The following GNPTAB variants were observed in gnomAD, a reference collection of about 807,000 sequenced individuals.
The protein encoded by GNPTAB is N-acetylglucosamine-1-phosphate transferase subunits alpha and beta, also known as N-acetylglucosamine-1-phosphotransferase subunits alpha/beta.
Under a neutral mutation model 136.6 loss-of-function variants are expected in GNPTAB, and 92 were observed. That is an observed-to-expected ratio of 0.67 (90% CI 0.57 to 0.80). The LOEUF (loss-of-function observed/expected upper bound fraction) is 0.80, where lower values mean the gene tolerates loss of function less well. Ranked by LOEUF, GNPTAB falls within the 30% of genes least tolerant of loss-of-function variation. The pLI, the probability that GNPTAB is intolerant of heterozygous loss-of-function variation, is 0.00. For synonymous variants in GNPTAB, 512 were observed against 535.1 expected, an observed-to-expected ratio of 0.96 and a Z score of 0.60; for missense variants, 1,343 against 1,501.8, an observed-to-expected ratio of 0.89 and a Z score of 1.75.
intron 4 of GNPTAB, 94 bp downstream of exon 4, chr12:101,788,454 C>T (rs546103677): frequency 1.2e-6 from 1 of 814,862 alleles, no homozygotes; most frequent in East Asian, 2.5e-5. Flanking sequence ...ATAATAAACA[C>T]AAAATCCTGT....
chr12:101,828,854 T>C (rs951905910), intron 1 of GNPTAB, among the ~76,000 whole-genome samples: 4 of 152,210 alleles, frequency 2.6e-5, no homozygotes, highest in Non-Finnish European at 5.9e-5. Flanking sequence ...GTTGTGAGGA[T>C]TAAATCAGTT....
rs935456185 is a variant in GNPTAB, at chr12:101,780,615, T to A, written c.578A>T (p.Asp193Val). ...VVFDSTKDVE[D>V]AHSGLLKGNS... ...TCCTTTAAGCAGTCCAGAGTGGGCA[T>A]CTTCAACTACAACCAAGAATACAAT... The change falls in exon 6 of 21, where the codon GAT becomes GTT. Residue 193 changes from aspartate to valine, a missense_variant. Physicochemically the swap from Asp to Val is radical, Grantham distance 152. Transcript: ENST00000299314. The A allele has an allele frequency of 1.2e-6, 2 of 1,605,414 alleles. No individual in the cohort carries two copies. Among genetic ancestry groups the A allele is most frequent in the Non-Finnish European group, 1.7e-6 (2 of 1,172,240 alleles).
chr12:101,770,028 C>T lies in GNPTAB; in HGVS notation c.1277G>A (p.Gly426Asp), dbSNP rs1237096401. The change falls in exon 10 of 21, where the codon GGC (glycine) becomes GAC (aspartate). Residue 426 changes from glycine to aspartate, a missense_variant. Coordinates refer to ENST00000299314, the MANE Select transcript of GNPTAB (RefSeq NM_024312.5). The part of the protein sequence containing the change: ...WPDDFYSHSK[G>D]QKVYLTWPVP... ...CTCCTCTTAGGCACTCACCTTCTGG[C>T]CTTTGGAGTGACTGTAAAAATCATC... 1.2e-6 allele frequency: 2 copies of T among 1,613,928 alleles called. No individual in the cohort carries two copies. The highest frequency in any genetic ancestry group is 1.7e-6 in the Non-Finnish European group (2 of 1,179,956).
intron 5 of GNPTAB, among the ~76,000 whole-genome samples, chr12:101,782,607 A>G (rs1868401784): frequency 6.6e-6 from 1 of 152,206 alleles, no homozygotes; most frequent in African/African-American, 2.4e-5. Context: ...CCACCAAAGA[A>G]GCCAGATTGA....
In GNPTAB at chr12:101,770,143, T is replaced by C. The variant is rs1953149848; in HGVS notation, c.1162A>G (p.Ile388Val). ...TCGATGCGATGAATGTGACTTTCAA[T>C]AGCAGGTGAACTAAAGGTAGGCAAG... The part of the protein sequence containing the change: ...SHLPTFSSPA[I>V]ESHIHRIEGL... The change falls in exon 10 of 21, where the codon ATT (isoleucine) becomes GTT (valine). Residue 388 changes from isoleucine (I) to valine (V), a missense_variant. Coordinates refer to ENST00000299314, the MANE Select transcript of GNPTAB (RefSeq NM_024312.5). The C allele has an allele frequency of 3.1e-6, 5 of 1,614,134 alleles. No homozygotes were observed. Among genetic ancestry groups the C allele is most frequent in the Non-Finnish European group, 4.2e-6 (5 of 1,179,998 alleles).
rs1232693344 is a variant in GNPTAB at position 101,770,425 on chromosome 12, A to G, written c.1094T>C (p.Val365Ala). 4 of 1,612,964 alleles carry G rather than the reference A, an allele frequency of 2.5e-6. No individual in the cohort carries two copies. The highest frequency in any genetic ancestry group is 3.4e-6 in the Non-Finnish European group (4 of 1,179,066). Residue 365 changes from valine to alanine, a missense_variant, in exon 9 of 21, where the codon GTG (valine) becomes GCG (alanine). Val to Ala is a moderately conservative substitution (Grantham distance 64). Coordinates refer to ENST00000299314, the MANE Select transcript of GNPTAB (RefSeq NM_024312.5). ...PSWLNLDNPRVTIVTHQDVFR... is the reference protein window; with the variant it reads ...PSWLNLDNPRATIVTHQDVFR... ...CTGTACCTGGTGTGTTACTATTGTC[A>G]CTCGAGGATTGTCAAGGTTCAGCCA...
At chr12:101,788,635 T>C (rs374802457) in intron 3 of GNPTAB, 46 bp from the exon 4 acceptor site, 25 of 941,146 alleles carry the variant, frequency 2.7e-5, no homozygotes, top group African/African-American at 8.0e-5. Flanking sequence ...TGGGCTACTA[T>C]ACCTCCCACT....
At chr12:101,780,718 G>T in intron 5 of GNPTAB, 97 bp from the exon 6 acceptor site, 1 of 864,500 alleles carries the variant, frequency 1.2e-6, no homozygotes, top group Non-Finnish European at 2.0e-6. Context: ...AGCTATTAAA[G>T]CAGCATAATA....
intron 1 of GNPTAB, among the ~76,000 whole-genome samples, chr12:101,813,297 G>A (rs1358927932): frequency 6.6e-6 from 1 of 152,216 alleles, no homozygotes; most frequent in Non-Finnish European, 1.5e-5. Context: ...AACAGGTGGA[G>A]TTTGCTGCTC....
intron 16 of GNPTAB, among the ~76,000 whole-genome samples, chr12:101,759,381 A>C (rs1393997640): frequency 6.6e-6 from 1 of 151,408 alleles, no homozygotes; most frequent in Non-Finnish European, 1.5e-5. Flanking sequence ...AAAAAAAAAA[A>C]AGATTACTTT....
rs1309527596 is a variant in GNPTAB at position 101,757,513 on chromosome 12, A to T, written c.3335+59T>A. 43 of 922,822 alleles carry T rather than the reference A, an allele frequency of 4.7e-5. 1 individual carries two copies. Among genetic ancestry groups the T allele is most frequent in the Non-Finnish European group, 4.5e-5 (25 of 552,192 alleles). The allele number at this position is 922,822 out of a possible 1,614,324, so 57.2% of individuals were successfully genotyped here. A position where few individuals can be genotyped will look rare whatever the true frequency, so the allele number is the denominator to read the frequency against. ...ACAAAATATTGTAGAATTATAAAAAAGCCAGACCTTTGTGATTACTCTTAT... is the reference window on the plus strand; with the variant it reads ...ACAAAATATTGTAGAATTATAAAAATGCCAGACCTTTGTGATTACTCTTAT... On this transcript the variant is annotated intron_variant, in intron 17 of 20. Coordinates refer to ENST00000299314, the MANE Select transcript of GNPTAB (RefSeq NM_024312.5).
chr12:101,793,998 C>T (rs567760853), intron 2 of GNPTAB, among the ~76,000 whole-genome samples: 2 of 152,198 alleles, frequency 1.3e-5, no homozygotes, highest in South Asian at 4.1e-4. Context: ...CAACCACCAC[C>T]GCCCTGGCTA....
intron 3 of GNPTAB, among the ~76,000 whole-genome samples, chr12:101,789,613 T>C (rs1201224719): frequency 6.6e-6 from 1 of 152,096 alleles, no homozygotes; most frequent in East Asian, 1.9e-4. Flanking sequence ...GCCTCCCAAT[T>C]AGCTGGGATT....
At chr12:101,811,597 C>T (rs11111039) in intron 1 of GNPTAB, among the ~76,000 whole-genome samples, 5,770 of 150,274 alleles carry the variant, frequency 0.038, 417 homozygotes, top group East Asian at 0.31. Context: ...CTTACGTGGC[C>T]GGAGAAGGAG....
In GNPTAB at chr12:101,819,686, T is replaced by C. The variant is rs570899449; in HGVS notation, c.117+10873A>G. ...AAAGATCACTTTTTCCTGTGTAATT[T>C]AGTATGCATACGAATCACACATAGG... On this transcript the variant is annotated intron_variant, in intron 1 of 20. Coordinates refer to ENST00000299314, the MANE Select transcript of GNPTAB (RefSeq NM_024312.5). Among the ~76,000 whole-genome samples, 5 of 152,348 alleles carry C rather than the reference T, an allele frequency of 3.3e-5. No homozygotes were observed. In the South Asian group the frequency reaches 6.2e-4, roughly 19 times the overall value.
intron 1 of GNPTAB, 54 bp downstream of exon 1, chr12:101,830,505 C>T: frequency 1.1e-6 from 1 of 941,720 alleles, no homozygotes; most frequent in Middle Eastern, 2.1e-4. Flanking sequence ...CGGGGCACGG[C>T]GAGGGCAGTG....
intron 11 of GNPTAB, chr12:101,767,778 A>G (rs553961306): frequency 6.6e-6 from 4 of 606,756 alleles, no homozygotes; most frequent in Admixed American, 2.8e-5. Flanking sequence ...TTGCACCACC[A>G]CACTTGGCTA....
At chr12:101,804,551 T>C (rs1368347026) in intron 1 of GNPTAB, among the ~76,000 whole-genome samples, 1 of 152,230 alleles carries the variant, frequency 6.6e-6, no homozygotes, top group African/African-American at 2.4e-5. Context: ...ATTCTACCTA[T>C]GAGGGTAGAC....
chr12:101,770,274 G>A, intron 9 of GNPTAB, 83 bp from the exon 10 acceptor site: 1 of 1,448,256 alleles, frequency 6.9e-7, no homozygotes, highest in Non-Finnish European at 9.7e-7. Flanking sequence ...GGAAGGGAAG[G>A]CAATGAAGAG....
Sources: gnomAD v4.1 joint callset for allele counts (sites outside exome capture counted in the v4.1 genomes callset) on GRCh38, gnomAD v4.1.1 for gene constraint, MANE v1.5 for transcripts, NCBI Gene and HGNC (gene_info 2026-07-23, HGNC 2026-07-21) for gene names.